Variants in PPME1 observed in about 807,000 individuals in gnomAD.
PPME1 encodes testicular secretory protein Li 39.
A neutral mutation model predicts 56.9 loss-of-function variants in PPME1; 17 were observed. The observed-to-expected ratio is 0.30, with a 90% CI of 0.20 to 0.45. The LOEUF (loss-of-function observed/expected upper bound fraction) is 0.45, where lower values mean the gene tolerates loss of function less well. Among genes scored for constraint, PPME1 ranks in the 20% least tolerant of loss-of-function variants. PPME1 has a pLI of 1.00. For missense variants in PPME1, 357 were observed against 483.2 expected (o/e 0.74, Z 2.45); for synonymous variants, 122 against 156.2 (o/e 0.78, Z 1.63).
At chr11:74,200,953 G>A (rs1341518000) in intron 1 of PPME1, among the ~76,000 whole-genome samples, 5 of 151,762 alleles carry the variant, frequency 3.3e-5, no homozygotes, top group Non-Finnish European at 7.4e-5. Context: ...CTCCCGAGTG[G>A]CAGGAACTAC....
intron 9 of PPME1, among the ~76,000 whole-genome samples, chr11:74,240,539 T>A (rs558282999): frequency 6.6e-6 from 1 of 152,336 alleles, no homozygotes; most frequent in African/African-American, 2.4e-5. Context: ...GACCTACTCC[T>A]TTGCATTTGG....
At chr11:74,244,447 A>G (rs1013454346) in intron 9 of PPME1, among the ~76,000 whole-genome samples, 3 of 152,144 alleles carry the variant, frequency 2.0e-5, no homozygotes, top group Non-Finnish European at 4.4e-5. Context: ...CTTTTTTGAT[A>G]GTAGTCATCC....
At chr11:74,192,967 TA>T (rs1857882321) in intron 1 of PPME1, among the ~76,000 whole-genome samples, 1 of 152,280 alleles carries the variant, frequency 6.6e-6, no homozygotes, top group East Asian at 1.9e-4. Flanking sequence ...TCTTCTCACC[TA>T]AAAAAATAAA....
rs144674187 is a variant in PPME1, at chr11:74,180,277, A to T, written c.101+8755A>T. ...CTCCTTAGTCCTCTGAATTGTAATT[A>T]TTGGTCAACTGTGTATTCCTCAAAA... On this transcript the variant is annotated intron_variant, in intron 1 of 13. Coordinates refer to ENST00000328257, the MANE Select transcript of PPME1 (RefSeq NM_016147.3). Among the ~76,000 whole-genome samples, 6 of 152,302 alleles carry T rather than the reference A, an allele frequency of 3.9e-5. No homozygotes were observed. In the East Asian group the frequency reaches 1.2e-3, roughly 29 times the overall value.
intron 1 of PPME1, among the ~76,000 whole-genome samples, chr11:74,172,021 C>G (rs1857257922): frequency 6.6e-6 from 1 of 151,972 alleles, no homozygotes; most frequent in Admixed American, 6.6e-5. Flanking sequence ...AGAAAACACT[C>G]GAGACAGGGC....
chr11:74,211,917 C>T (rs981736388), intron 3 of PPME1, among the ~76,000 whole-genome samples: 1 of 152,098 alleles, frequency 6.6e-6, no homozygotes, highest in Non-Finnish European at 1.5e-5. Context: ...AAAAGAATAA[C>T]ACTTTTGAGA....
chr11:74,216,566 C>T (rs558770958), intron 3 of PPME1, among the ~76,000 whole-genome samples: 21 of 152,068 alleles, frequency 1.4e-4, no homozygotes, highest in East Asian at 3.9e-4. Context: ...ACCAACCCAA[C>T]GATGCATCCT....
chr11:74,193,285 G>A (rs1477533548), intron 1 of PPME1, among the ~76,000 whole-genome samples: 1 of 152,250 alleles, frequency 6.6e-6, no homozygotes, highest in Non-Finnish European at 1.5e-5. Flanking sequence ...CTAAGATAGT[G>A]ACACCGTTGC....
chr11:74,187,943 A>G (rs1346611906), intron 1 of PPME1, among the ~76,000 whole-genome samples: 2 of 152,212 alleles, frequency 1.3e-5, no homozygotes, highest in African/African-American at 4.8e-5. Flanking sequence ...TTTAAAGAGA[A>G]GGAAACAGAA....
At chr11:74,206,011 A>C (rs1858318209) in intron 3 of PPME1, 1 of 152,206 alleles carries the variant, frequency 6.6e-6, no homozygotes. Context: ...TCAATATAAA[A>C]ATTATTATTG....
chr11:74,234,630 C>T (rs1440031115), intron 7 of PPME1, among the ~76,000 whole-genome samples: 1 of 151,922 alleles, frequency 6.6e-6, no homozygotes, highest in Non-Finnish European at 1.5e-5. Flanking sequence ...GTGACCTTGA[C>T]AAAATAAATA....
At chr11:74,240,528 T>C (rs534766435) in intron 9 of PPME1, among the ~76,000 whole-genome samples, 8 of 152,352 alleles carry the variant, frequency 5.3e-5, no homozygotes, top group Admixed American at 5.2e-4. Flanking sequence ...GAACATGTAA[T>C]GACCTACTCC....
intron 1 of PPME1, among the ~76,000 whole-genome samples, chr11:74,188,613 G>A (rs1341255226): frequency 6.6e-6 from 1 of 151,990 alleles, no homozygotes; most frequent in Non-Finnish European, 1.5e-5. Context: ...CCTTAACAAC[G>A]AAAGTCTTGG....
At chr11:74,237,463 G>C (rs113886973) in intron 8 of PPME1, among the ~76,000 whole-genome samples, 2,673 of 151,856 alleles carry the variant, frequency 0.018, 77 homozygotes, top group African/African-American at 0.061. Flanking sequence ...TTTTAGTAGA[G>C]GTGGGGTTTC....
At chr11:74,181,847 G>A (rs1008966732) in intron 1 of PPME1, among the ~76,000 whole-genome samples, 1 of 152,214 alleles carries the variant, frequency 6.6e-6, no homozygotes, top group African/African-American at 2.4e-5. Flanking sequence ...ACTCAGCTCT[G>A]CTGTTTTAGA....
At chr11:74,216,057 A>G (rs1858633258) in intron 3 of PPME1, among the ~76,000 whole-genome samples, 1 of 152,236 alleles carries the variant, frequency 6.6e-6, no homozygotes, top group South Asian at 2.1e-4. Context: ...ATACAATAAG[A>G]GCTGGAGACT....
At chr11:74,211,998 A>G (rs1858489546) in intron 3 of PPME1, among the ~76,000 whole-genome samples, 1 of 152,206 alleles carries the variant, frequency 6.6e-6, no homozygotes, top group Non-Finnish European at 1.5e-5. Context: ...ACCAAATTGA[A>G]CAAATGTCCA....
intron 11 of PPME1, 46 bp downstream of exon 11, chr11:74,247,169 G>C: frequency 6.6e-7 from 1 of 1,515,444 alleles, no homozygotes; most frequent in Non-Finnish European, 9.1e-7. Flanking sequence ...TCTGAAGAAA[G>C]GGTGATAGGG....
Position 74,203,806 on chromosome 11 carries a change from T to A in PPME1, c.180T>A (p.Asn60Lys). The change falls in exon 2 of 14, where the codon AAT (asparagine) becomes AAA (lysine). Residue 60 changes from asparagine to lysine, a missense_variant. By Grantham distance (94) the Asn-to-Lys change is moderately conservative. Coordinates refer to ENST00000328257, the MANE Select transcript of PPME1 (RefSeq NM_016147.3). ...CCATGGAAGATGTAGAAGTAGAGAA[T>A]GAAACTGGCAAGGATATATCCTTTG... ...FESMEDVEVE[N>K]ETGKDTFRVY... 6.2e-7 allele frequency: 1 copy of A among 1,611,052 alleles called. No homozygotes were observed. The highest frequency in any genetic ancestry group is 1.7e-4 in the Middle Eastern group (1 of 6,058).
Sources: allele counts gnomAD v4.1 joint callset (sites outside exome capture counted in the v4.1 genomes callset), GRCh38; gene constraint gnomAD v4.1.1; transcripts MANE v1.5; gene names NCBI Gene and HGNC (gene_info 2026-07-23, HGNC 2026-07-21).